ZNF707: variants seen among roughly 807,000 people sequenced by gnomAD.
ZNF707 encodes zinc finger protein 707.
ZNF707 carries 8 observed loss-of-function variants against 13.3 expected under a neutral mutation model. That is an observed-to-expected ratio of 0.60 (90% CI 0.35 to 1.09). The LOEUF (loss-of-function observed/expected upper bound fraction) is 1.09. Among genes scored for constraint, ZNF707 ranks in the 50% least tolerant of loss-of-function variants. The pLI is 0.02. For missense variants in ZNF707, 530 were observed against 512.6 expected, an observed-to-expected ratio of 1.03 and a Z score of -0.33; for synonymous variants, 225 against 205.6, an observed-to-expected ratio of 1.09 and a Z score of -0.81.
In ZNF707 at chr8:143,691,177, C is replaced by T. The variant is rs1816774580; in HGVS notation, c.120C>T (p.Asn40=). 3 of 1,613,118 alleles carry T rather than the reference C, an allele frequency of 1.9e-6. No homozygotes were observed. Among genetic ancestry groups the T allele is most frequent in the Admixed American group, 1.7e-5 (1 of 59,982 alleles). Residue 40 remains asparagine (N), a synonymous_variant, in exon 4 of 6, where the codon AAC becomes AAT. Transcript: ENST00000358656. ...RALYRDVMLD[N]FSSVAALGFC... Reference sequence around the variant, plus strand: ...TCTACCGGGACGTGATGCTGGACAACTTCAGCAGTGTGGCTGCTCTGGGTG... The same window carrying T: ...TCTACCGGGACGTGATGCTGGACAATTTCAGCAGTGTGGCTGCTCTGGGTG...
chr8:143,685,922 A>C (rs1340218540), intron 1 of ZNF707, among the ~76,000 whole-genome samples: 2 of 152,192 alleles, frequency 1.3e-5, no homozygotes, highest in Non-Finnish European at 2.9e-5. Flanking sequence ...TCCCGTATTA[A>C]ACTTTGTTGC....
At chr8:143,688,398 G>C (rs1239780774) in intron 1 of ZNF707, among the ~76,000 whole-genome samples, 1 of 152,158 alleles carries the variant, frequency 6.6e-6, no homozygotes, top group African/African-American at 2.4e-5. Flanking sequence ...GGGACGAGGG[G>C]TCAGGGGTGA....
chr8:143,694,749 G>A lies in ZNF707; in HGVS notation c.*219G>A. ...CGCCGGAGATGGCGGGGGCTCTGGAGATGGCGGGGGCTGCGCCCCGGCGCC... is the reference window on the plus strand; with the variant it reads ...CGCCGGAGATGGCGGGGGCTCTGGAAATGGCGGGGGCTGCGCCCCGGCGCC... On this transcript the variant is annotated 3_prime_UTR_variant, in exon 6 of 6. Coordinates refer to ENST00000358656, the MANE Select transcript of ZNF707 (RefSeq NM_001100598.2). The surrounding 1 kb of genome is among the most constrained non-coding windows in gnomAD (Gnocchi z 4.4). 1.8e-6 allele frequency: 1 copy of A among 562,602 alleles called. No individual in the cohort carries two copies. Among genetic ancestry groups the A allele is most frequent in the Non-Finnish European group, 3.0e-6 (1 of 333,364 alleles). 34.9% of individuals were successfully genotyped at this position (562,602 alleles called of 1,614,324 possible).
At chr8:143,689,564 C>T (rs576198163) in intron 2 of ZNF707, among the ~76,000 whole-genome samples, 67 of 152,242 alleles carry the variant, frequency 4.4e-4, no homozygotes, top group African/African-American at 2.4e-5. Context: ...TGGGGTTTCT[C>T]GGGGCTGCAC....
rs1365403999 is a variant in ZNF707 at position 143,693,664 on chromosome 8, T to TC, written c.257-5dup. 6.4e-7 allele frequency: 1 copy of TC among 1,566,352 alleles called. No homozygotes were observed. The highest frequency in any genetic ancestry group is 1.9e-5 in the Admixed American group (1 of 53,750). On this transcript the variant is annotated splice_polypyrimidine_tract_variant and splice_region_variant and intron_variant, in intron 5 of 5. Transcript: ENST00000358656. The surrounding 1 kb of genome is among the most constrained non-coding windows in gnomAD (Gnocchi z 4.1). Reference sequence around the variant, plus strand: ...GCTCTGTGTAAGGGTGTCTGTTCCTTCCACAGGGGCAAGGAAGTCTGCAGA... The same window carrying TC: ...GCTCTGTGTAAGGGTGTCTGTTCCTTCCCACAGGGGCAAGGAAGTCTGCAGA...
At chr8:143,686,091 TTTTTTG>T (rs573364379) in intron 1 of ZNF707, among the ~76,000 whole-genome samples, 2 of 147,764 alleles carry the variant, frequency 1.4e-5, no homozygotes, top group African/African-American at 2.7e-5. Flanking sequence ...AGGGTGTTTT[TTTTTTG>T]TTTTTGTTTT....
chr8:143,694,733 T>A lies in ZNF707; in HGVS notation c.*203T>A. 1 of 595,722 alleles carries A rather than the reference T, an allele frequency of 1.7e-6. No individual in the cohort carries two copies. Among genetic ancestry groups the A allele is most frequent in the East Asian group, 3.0e-5 (1 of 33,318 alleles). The allele number at this position is 595,722 out of a possible 1,614,324, so 36.9% of individuals were successfully genotyped here. A position where few individuals can be genotyped will look rare whatever the true frequency, so the allele number is the denominator to read the frequency against. Reference sequence around the variant, plus strand: ...AGCAGAGCCATGGGTACGCCGGAGATGGCGGGGGCTCTGGAGATGGCGGGG... The same window carrying A: ...AGCAGAGCCATGGGTACGCCGGAGAAGGCGGGGGCTCTGGAGATGGCGGGG... On this transcript the variant is annotated 3_prime_UTR_variant, in exon 6 of 6. Coordinates refer to ENST00000358656, the MANE Select transcript of ZNF707 (RefSeq NM_001100598.2). This position sits in a 1 kb window ranked among gnomAD's most constrained non-coding sequence, Gnocchi z 4.4.
rs375504308 is a variant in ZNF707, at chr8:143,694,480, C to T, written c.1066C>T (p.Leu356=). ...CGHCGKGFRH[L]GFFTRHQRTH... ...CCACTGTGGGAAAGGCTTCCGTCAC[C>T]TGGGGTTCTTCACGCGGCATCAGAG... Residue 356 remains leucine (L), a synonymous_variant, in exon 6 of 6, where the codon CTG becomes TTG. Coordinates refer to ENST00000358656, the MANE Select transcript of ZNF707 (RefSeq NM_001100598.2). The surrounding 1 kb of genome is among the most constrained non-coding windows in gnomAD (Gnocchi z 4.4). 7.4e-6 allele frequency: 12 copies of T among 1,610,788 alleles called. No individual in the cohort carries two copies. The highest frequency in any genetic ancestry group is 1.6e-4 in the Middle Eastern group (1 of 6,078).
chr8:143,694,169 A>G lies in ZNF707; in HGVS notation c.755A>G (p.Lys252Arg), dbSNP rs782454043. The G allele has an allele frequency of 6.1e-5, 97 of 1,578,898 alleles. No individual in the cohort carries two copies. Among genetic ancestry groups the G allele is most frequent in the Middle Eastern group, 1.7e-4 (1 of 5,968 alleles). ...AAGGACCGCCTGGCTCAGCACCGCA[A>G]GGTCCACACCGAGCACAGGCCCTAC... ...SLKDRLAQHR[K>R]VHTEHRPYSC... Residue 252 changes from lysine to arginine, a missense_variant, in exon 6 of 6, where the codon AAG becomes AGG. Coordinates refer to ENST00000358656, the MANE Select transcript of ZNF707 (RefSeq NM_001100598.2). This position sits in a 1 kb window ranked among gnomAD's most constrained non-coding sequence, Gnocchi z 4.4.
chr8:143,694,399 A>G lies in ZNF707; in HGVS notation c.985A>G (p.Lys329Glu), dbSNP rs1554614750. The change falls in exon 6 of 6, where the codon AAG becomes GAG. Residue 329 changes from lysine (K) to glutamate (E), a missense_variant. Physicochemically the swap from Lys to Glu is moderately conservative, Grantham distance 56. Coordinates refer to ENST00000358656, the MANE Select transcript of ZNF707 (RefSeq NM_001100598.2). The surrounding 1 kb of genome is among the most constrained non-coding windows in gnomAD (Gnocchi z 4.4). ...AECGKSFRWP[K>E]GFSIHRRLHL... ...GTGCGGCAAGTCCTTCCGGTGGCCC[A>G]AGGGCTTCAGCATCCACCGGAGGCT... The G allele has an allele frequency of 6.2e-7, 1 of 1,612,336 alleles. No homozygotes were observed. The highest frequency in any genetic ancestry group is 8.5e-7 in the Non-Finnish European group (1 of 1,179,564).
rs782513832 is a variant in ZNF707, at chr8:143,693,978, C to T, written c.564C>T (p.His188=). 1.0e-5 allele frequency: 16 copies of T among 1,601,848 alleles called. No homozygotes were observed. Among genetic ancestry groups the T allele is most frequent in the Non-Finnish European group, 1.3e-5 (15 of 1,175,836 alleles). The change falls in exon 6 of 6, where the codon CAC becomes CAT. Residue 188 remains histidine (H), a synonymous_variant. Coordinates refer to ENST00000358656, the MANE Select transcript of ZNF707 (RefSeq NM_001100598.2). This position sits in a 1 kb window ranked among gnomAD's most constrained non-coding sequence, Gnocchi z 4.1. ...CGTGCGGGAAGGCGCTCAGCTGCCACAGCCGGCTGCTCGCTCACCAGACGG... is the reference window on the plus strand; with the variant it reads ...CGTGCGGGAAGGCGCTCAGCTGCCATAGCCGGCTGCTCGCTCACCAGACGG... ...CGTCGKALSC[H]SRLLAHQTVH...
chr8:143,694,229 A>G lies in ZNF707; in HGVS notation c.815A>G (p.Lys272Arg), dbSNP rs1554614663. Residue 272 changes from lysine to arginine, a missense_variant, in exon 6 of 6, where the codon AAG (lysine) becomes AGG (arginine). Transcript: ENST00000358656. This position sits in a 1 kb window ranked among gnomAD's most constrained non-coding sequence, Gnocchi z 4.4. ...GACTGTGGGAAAGCCTTCAAGCAGA[A>G]GTCCAACCTTCTCAGACACCAGCTG... ...CGDCGKAFKQKSNLLRHQLVH... is the reference protein window; with the variant it reads ...CGDCGKAFKQRSNLLRHQLVH... The G allele has an allele frequency of 6.3e-7, 1 of 1,587,032 alleles. No individual in the cohort carries two copies. The highest frequency in any genetic ancestry group is 8.6e-7 in the Non-Finnish European group (1 of 1,166,940).
At position 143,694,727 on chromosome 8, in the gene ZNF707, CGGAGATGGCGGGGGCTCT is replaced by C. The variant is rs1199583876; in HGVS notation, c.*214_*231del. 2.4e-4 allele frequency: 148 copies of C among 612,268 alleles called. No individual in the cohort carries two copies. Among genetic ancestry groups the C allele is most frequent in the African/African-American group, 1.4e-3 (76 of 53,954 alleles). 37.9% of individuals were successfully genotyped at this position (612,268 alleles called of 1,614,324 possible). ...GGGAGAAGCAGAGCCATGGGTACGCCGGAGATGGCGGGGGCTCTGGAGATGGCGGGGGCTGCGCCCCGG... is the reference window on the plus strand; with the variant it reads ...GGGAGAAGCAGAGCCATGGGTACGCCGGAGATGGCGGGGGCTGCGCCCCGG... On this transcript the variant is annotated 3_prime_UTR_variant, in exon 6 of 6. Coordinates refer to ENST00000358656, the MANE Select transcript of ZNF707 (RefSeq NM_001100598.2). This position sits in a 1 kb window ranked among gnomAD's most constrained non-coding sequence, Gnocchi z 4.4.
intron 3 of ZNF707, among the ~76,000 whole-genome samples, chr8:143,690,583 G>A (rs1816715320): frequency 6.6e-6 from 1 of 151,960 alleles, no homozygotes; most frequent in South Asian, 2.1e-4. Context: ...AAAAAGAAAA[G>A]AAAATTGGAT....
rs1339156904 is a variant in ZNF707, at chr8:143,692,314, G to C, written c.256+601G>C. 4.7e-6 allele frequency: 6 copies of C among 1,289,744 alleles called. No homozygotes were observed. The East Asian group carries it at 1.7e-4, about 36-fold the overall frequency. 79.9% of individuals were successfully genotyped at this position (1,289,744 alleles called of 1,614,324 possible). A position where few individuals can be genotyped will look rare whatever the true frequency, so the allele number is the denominator to read the frequency against. On this transcript the variant is annotated intron_variant, in intron 5 of 5. Coordinates refer to ENST00000358656, the MANE Select transcript of ZNF707 (RefSeq NM_001100598.2). ...CGGGTATGTGGAGTCCCCGACTGTG[G>C]AGTGTCAGGTTCCTAGGTGTGTGGA...
chr8:143,692,765 CCGGG>C (rs1554614006), intron 5 of ZNF707, among the ~76,000 whole-genome samples: 1,086 of 43,854 alleles, frequency 0.025, 38 homozygotes, highest in South Asian at 0.084. Context: ...TGTCGCATCC[CCGGG>C]TGTGTGGAGC....
intron 5 of ZNF707, chr8:143,691,931 C>A: frequency 8.2e-7 from 1 of 1,222,778 alleles, no homozygotes; most frequent in Non-Finnish European, 1.2e-6. Context: ...AGGCATAGTG[C>A]TGCAGGATGA....
rs782756913 is a variant in ZNF707, at chr8:143,691,121, T to C, written c.64T>C (p.Trp22Arg). Reference protein sequence around the residue: ...DVAIYFSREEWACLEPSQRAL... With the variant: ...DVAIYFSREERACLEPSQRAL... ...GGCCATCTACTTCTCAAGGGAGGAG[T>C]GGGCGTGTCTGGAACCCAGCCAGAG... Residue 22 changes from tryptophan to arginine, a missense_variant, in exon 4 of 6, where the codon TGG (tryptophan) becomes CGG (arginine). Transcript: ENST00000358656. 5 of 1,613,162 alleles carry C rather than the reference T, an allele frequency of 3.1e-6. No individual in the cohort carries two copies. The highest frequency in any genetic ancestry group is 4.2e-6 in the Non-Finnish European group (5 of 1,179,694).
chr8:143,693,402 C>T lies in ZNF707; in HGVS notation c.257-269C>T, dbSNP rs1554614165. On this transcript the variant is annotated intron_variant, in intron 5 of 5. Transcript: ENST00000358656. The surrounding 1 kb of genome is among the most constrained non-coding windows in gnomAD (Gnocchi z 4.1). ...TCCCGGGTTCACGCCATTCTCCTGC[C>T]TCAGCCTCCCGAGTAGCTGGGACCA... 6.6e-6 allele frequency among the ~76,000 whole-genome samples: 1 copy of T among 152,016 alleles called. No homozygotes were observed. The highest frequency in any genetic ancestry group is 1.5e-5 in the Non-Finnish European group (1 of 67,934).
Sources: gnomAD v4.1 joint callset for allele counts (sites outside exome capture counted in the v4.1 genomes callset) on GRCh38, gnomAD v4.1.1 for gene constraint, Gnocchi (gnomAD v3.1) non-coding constraint, MANE v1.5 for transcripts, NCBI Gene and HGNC (gene_info 2026-07-23, HGNC 2026-07-21) for gene names.